Variants in NDUFAF6 observed in about 807,000 individuals in gnomAD.
NDUFAF6 encodes the protein NADH dehydrogenase (ubiquinone) complex I, assembly factor 6.
Under a neutral mutation model 40.8 loss-of-function variants are expected in NDUFAF6, and 45 were observed. That is an observed-to-expected ratio of 1.10 (90% CI 0.87 to 1.42). NDUFAF6 has a LOEUF of 1.42. NDUFAF6 is among the 40% of genes most tolerant of loss of function. The pLI is 0.00. For synonymous variants in NDUFAF6, 185 were observed against 155.9 expected, an observed-to-expected ratio of 1.19 and a Z score of -1.39; for missense variants, 435 against 418.5, an observed-to-expected ratio of 1.04 and a Z score of -0.34.
chr8:95,054,555 T>G (rs891760253), intron 8 of NDUFAF6, among the ~76,000 whole-genome samples: 3 of 151,794 alleles, frequency 2.0e-5, no homozygotes, highest in Non-Finnish European at 4.4e-5. Context: ...CTGCCTCAGC[T>G]TCCCGAGTAG....
upstream of NDUFAF6, among the ~76,000 whole-genome samples, chr8:95,098,213 C>T (rs75943537): frequency 3.6e-3 from 552 of 152,310 alleles, 4 homozygotes; most frequent in African/African-American, 0.013. Context: ...ATGGATACCC[C>T]AATCTGGAGT....
intron 1 of NDUFAF6, among the ~76,000 whole-genome samples, chr8:94,934,446 C>T (rs570989951): frequency 2.0e-5 from 3 of 151,216 alleles, no homozygotes; most frequent in East Asian, 3.9e-4. Context: ...AGTGCAATGG[C>T]GTGATCTCAG....
chr8:95,026,112 A>G (rs1162329980), intron 1 of NDUFAF6, among the ~76,000 whole-genome samples: 2 of 152,074 alleles, frequency 1.3e-5, no homozygotes, highest in African/African-American at 4.8e-5. Flanking sequence ...ATTCCATTTT[A>G]GAGAAAAGCA....
intron 3 of NDUFAF6, among the ~76,000 whole-genome samples, chr8:95,036,803 A>G (rs1829556962): frequency 6.6e-6 from 1 of 152,240 alleles, no homozygotes; most frequent in African/African-American, 2.4e-5. Context: ...TAGGATTGCT[A>G]AATTGTCCGA....
intron 9 of NDUFAF6, chr8:95,068,013 G>A (rs1164990461): frequency 1.3e-5 from 2 of 152,018 alleles, no homozygotes; most frequent in African/African-American, 4.9e-5. Flanking sequence ...GCTGGAGTAA[G>A]TTGTTACTAA....
chr8:95,010,420 T>C (rs182520982), intron 2 of NDUFAF6, among the ~76,000 whole-genome samples: 27 of 152,336 alleles, frequency 1.8e-4, no homozygotes, highest in Admixed American at 1.4e-3. Context: ...TATGGACATA[T>C]GCTGTTATGC....
At chr8:95,097,538 A>C (rs1333474392), upstream of NDUFAF6, among the ~76,000 whole-genome samples, 1 of 152,288 alleles carries the variant, frequency 6.6e-6, no homozygotes, top group East Asian at 1.9e-4. Context: ...TCTCTACTAA[A>C]AATACAGAAA....
intron 2 of NDUFAF6, among the ~76,000 whole-genome samples, chr8:95,084,489 T>C (rs1808975660): frequency 6.6e-6 from 1 of 152,218 alleles, no homozygotes; most frequent in Non-Finnish European, 1.5e-5. Flanking sequence ...AGTCCATACC[T>C]TACTCTTCAT....
At chr8:95,050,702 T>C (rs57925408) in intron 7 of NDUFAF6, among the ~76,000 whole-genome samples, 23,325 of 152,164 alleles carry the variant, frequency 0.15, 1,826 homozygotes, top group Middle Eastern at 0.25. Flanking sequence ...CAGTGTTTGA[T>C]GAGAGTTTAG....
intron 2 of NDUFAF6, among the ~76,000 whole-genome samples, chr8:95,002,548 A>C (rs953811912): frequency 8.5e-5 from 13 of 152,228 alleles, no homozygotes; most frequent in African/African-American, 3.1e-4. Context: ...CAGAATCTAT[A>C]AAGTGCTACC....
At chr8:94,967,033 T>C (rs11783878) in intron 1 of NDUFAF6, among the ~76,000 whole-genome samples, 19,904 of 152,056 alleles carry the variant, frequency 0.13, 1,636 homozygotes, top group Middle Eastern at 0.23. Flanking sequence ...GGAATGGAAA[T>C]TGGATAGACC....
chr8:94,979,177 T>C (rs1388430934), intron 1 of NDUFAF6, among the ~76,000 whole-genome samples: 2 of 152,190 alleles, frequency 1.3e-5, no homozygotes, highest in African/African-American at 4.8e-5. Flanking sequence ...CTGGTAATTA[T>C]TTTTTCTCAG....
intron 2 of NDUFAF6, among the ~76,000 whole-genome samples, chr8:95,019,871 T>A (rs1033275313): frequency 2.6e-5 from 4 of 152,230 alleles, no homozygotes; most frequent in African/African-American, 9.7e-5. Context: ...TTCTTTCAAA[T>A]CTAAAATTGT....
At chr8:95,086,450 C>T (rs1052789403) in intron 2 of NDUFAF6, among the ~76,000 whole-genome samples, 1 of 152,150 alleles carries the variant, frequency 6.6e-6, no homozygotes, top group African/African-American at 2.4e-5. Flanking sequence ...CCTAGTTAAT[C>T]CCTGCTTCTC....
At chr8:94,909,632 A>G (rs1353722337) in intron 1 of NDUFAF6, among the ~76,000 whole-genome samples, 1 of 151,522 alleles carries the variant, frequency 6.6e-6, no homozygotes, top group East Asian at 2.0e-4. Flanking sequence ...CTCAAAAACA[A>G]AAAAAAATTT....
chr8:95,094,955 G>GC (rs1809405449), intron 2 of NDUFAF6, among the ~76,000 whole-genome samples: 1 of 150,036 alleles, frequency 6.7e-6, no homozygotes, highest in African/African-American at 2.5e-5. Flanking sequence ...GGGTGGCGGG[G>GC]GGTGTCTCAC....
chr8:94,933,664 C>G (rs1017634), intron 1 of NDUFAF6, among the ~76,000 whole-genome samples: 117,554 of 151,872 alleles, frequency 0.77, 47,028 homozygotes, highest in East Asian at 0.89. Flanking sequence ...AATCGGGAGG[C>G]TGAGGCATGA....
chr8:95,087,406 G>A (rs1362651816), intron 2 of NDUFAF6, among the ~76,000 whole-genome samples: 3 of 151,934 alleles, frequency 2.0e-5, no homozygotes, highest in Non-Finnish European at 4.4e-5. Context: ...AAGTTCCCCC[G>A]ATTATTTCCT....
At chr8:95,032,705 G>C (rs1829001027) in intron 2 of NDUFAF6, among the ~76,000 whole-genome samples, 1 of 152,228 alleles carries the variant, frequency 6.6e-6, no homozygotes, top group Admixed American at 6.5e-5. Context: ...TGAGAGGTCA[G>C]ATATTGGGAG....
Sources: allele counts gnomAD v4.1 joint callset (sites outside exome capture counted in the v4.1 genomes callset), GRCh38; gene constraint gnomAD v4.1.1; transcripts MANE v1.5; gene names NCBI Gene and HGNC (gene_info 2026-07-23, HGNC 2026-07-21).